Variants in BICD1 observed in about 807,000 individuals in gnomAD.
BICD1 encodes protein bicaudal D homolog 1.
In BICD1, 35 loss-of-function variants were observed where a neutral mutation model predicts 92.5. The ratio of observed to expected loss-of-function variants is 0.38; its 90% CI spans 0.29 to 0.50. The LOEUF is 0.50. Ranked by LOEUF, BICD1 falls within the 20% of genes least tolerant of loss-of-function variation. BICD1 has a pLI of 0.93. For synonymous variants in BICD1, 429 were observed against 465.1 expected, an observed-to-expected ratio of 0.92 and a Z score of 1.00; for missense variants, 950 against 1,189.8, an observed-to-expected ratio of 0.80 and a Z score of 2.97.
intron 1 of BICD1, among the ~76,000 whole-genome samples, chr12:32,122,445 C>T (rs28497793): frequency 0.031 from 4,652 of 150,146 alleles, 236 homozygotes; most frequent in African/African-American, 0.11. Flanking sequence ...GCTGAGATCG[C>T]GCCACTGCAG....
Position 32,203,431 on chromosome 12 carries a change from A to G in BICD1, c.214-12816A>G, listed in dbSNP as rs532558864. On this transcript the variant is annotated intron_variant, in intron 1 of 9. Transcript: ENST00000652176. ...CTGGGAGAAAATATGTGCCATACAT[A>G]TGTGTGGCAGGCACACCTGACAGCA... 3.0e-4 allele frequency among the ~76,000 whole-genome samples: 45 copies of G among 152,310 alleles called. No homozygotes were observed. The South Asian group carries it at 7.0e-3, about 24-fold the overall frequency.
chr12:32,329,018 G>A (rs528729953), intron 5 of BICD1, among the ~76,000 whole-genome samples: 1 of 152,318 alleles, frequency 6.6e-6, no homozygotes, highest in African/African-American at 2.4e-5. Flanking sequence ...AAGGTCTGAT[G>A]GCCAATAACT....
At chr12:32,236,787 C>T (rs1946084589) in intron 2 of BICD1, among the ~76,000 whole-genome samples, 2 of 151,858 alleles carry the variant, frequency 1.3e-5, no homozygotes, top group South Asian at 2.1e-4. Flanking sequence ...GTGAAACAGC[C>T]TCATTGCCGA....
At chr12:32,221,877 G>C (rs56210256) in intron 2 of BICD1, among the ~76,000 whole-genome samples, 8,984 of 152,088 alleles carry the variant, frequency 0.059, 363 homozygotes, top group Middle Eastern at 0.11. Flanking sequence ...AGAGCATAAA[G>C]AAAGCAGATT....
At chr12:32,157,576 C>T (rs1943477708) in intron 1 of BICD1, among the ~76,000 whole-genome samples, 1 of 152,198 alleles carries the variant, frequency 6.6e-6, no homozygotes, top group African/African-American at 2.4e-5. Flanking sequence ...TCTGCTTCTT[C>T]TGGAAGCTAC....
At position 32,327,706 on chromosome 12, in the gene BICD1, A is replaced by G; in HGVS notation, c.1251A>G (p.Glu417=). 1 of 1,614,146 alleles carries G rather than the reference A, an allele frequency of 6.2e-7. No individual in the cohort carries two copies. Among genetic ancestry groups the G allele is most frequent in the Non-Finnish European group, 8.5e-7 (1 of 1,180,024 alleles). The change falls in exon 5 of 10, where the codon GAA becomes GAG. Residue 417 remains glutamate, a synonymous_variant. Coordinates refer to ENST00000652176, the MANE Select transcript of BICD1 (RefSeq NM_001714.4). ...ACATCAATGGTTTAGAGATCCTTGA[A>G]TGCAAATACAGGGTGGCAGTAACTG... ...EVDINGLEIL[E]CKYRVAVTEV...
At chr12:32,157,002 T>G (rs1710403496) in intron 1 of BICD1, among the ~76,000 whole-genome samples, 2 of 152,218 alleles carry the variant, frequency 1.3e-5, no homozygotes, top group African/African-American at 2.4e-5. Flanking sequence ...AATGAGTTAG[T>G]AAATATACAA....
At chr12:32,258,528 G>C (rs1261479277) in intron 2 of BICD1, among the ~76,000 whole-genome samples, 1 of 152,036 alleles carries the variant, frequency 6.6e-6, no homozygotes, top group East Asian at 1.9e-4. Flanking sequence ...CTGGGCCCGG[G>C]GGACCACTAC....
intron 2 of BICD1, among the ~76,000 whole-genome samples, chr12:32,261,221 G>A (rs567228265): frequency 6.9e-6 from 1 of 145,834 alleles, no homozygotes; most frequent in African/African-American, 2.7e-5. Flanking sequence ...CTGTGCTAGG[G>A]AACTCATCCA....
chr12:32,175,095 G>T (rs936025627), intron 1 of BICD1, among the ~76,000 whole-genome samples: 4 of 152,016 alleles, frequency 2.6e-5, no homozygotes, highest in African/African-American at 9.7e-5. Context: ...TTATTTGCAA[G>T]CATTTATTAG....
At chr12:32,250,608 C>A (rs901408080) in intron 2 of BICD1, among the ~76,000 whole-genome samples, 1 of 152,094 alleles carries the variant, frequency 6.6e-6, no homozygotes, top group Non-Finnish European at 1.5e-5. Context: ...TAGGTATCCA[C>A]CTACTTTTCA....
chr12:32,316,135 C>CAG (rs1565664999), intron 4 of BICD1, among the ~76,000 whole-genome samples: 1 of 144,276 alleles, frequency 6.9e-6, no homozygotes, highest in Non-Finnish European at 1.5e-5. Context: ...GACCCTGTCT[C>CAG]AAAAAAAAAA....
chr12:32,138,916 T>A (rs1942816927), intron 1 of BICD1, among the ~76,000 whole-genome samples: 2 of 152,230 alleles, frequency 1.3e-5, no homozygotes, highest in Non-Finnish European at 2.9e-5. Flanking sequence ...AGTTCTAAAT[T>A]GCTTCAGTGG....
At chr12:32,339,003 A>G (rs1592695682) in intron 8 of BICD1, 24 bp downstream of exon 8, 1 of 1,573,998 alleles carries the variant, frequency 6.4e-7, no homozygotes, top group East Asian at 2.4e-5. Flanking sequence ...CCTTGGGTGC[A>G]TGTGATGCAA....
chr12:32,116,510 C>CTCTCTCTCTATATATATATATA (rs1233964108), intron 1 of BICD1, among the ~76,000 whole-genome samples: 1 of 104,374 alleles, frequency 9.6e-6, no homozygotes, highest in Non-Finnish European at 1.9e-5. Flanking sequence ...CTCTCTCTCT[C>CTCTCTCTCTATATATATATATA]TATATATATA....
chr12:32,280,777 C>T (rs916296329), intron 2 of BICD1, among the ~76,000 whole-genome samples: 1 of 152,310 alleles, frequency 6.6e-6, no homozygotes, highest in Admixed American at 6.5e-5. Flanking sequence ...TTGTCTCACC[C>T]CTTTTTACAG....
At chr12:32,341,201 TGCAGTGGTTCACACCTGTAATCCCA>T (rs1263458965) in intron 8 of BICD1, among the ~76,000 whole-genome samples, 1 of 152,056 alleles carries the variant, frequency 6.6e-6, no homozygotes, top group Non-Finnish European at 1.5e-5. Context: ...CGAGGCCGGC[TGCAGTGGTTCACACCTGTAATCCCA>T]GCACTTTGGG....
At chr12:32,215,676 G>A (rs551586683) in intron 1 of BICD1, among the ~76,000 whole-genome samples, 233 of 152,084 alleles carry the variant, frequency 1.5e-3, no homozygotes, top group Non-Finnish European at 2.6e-3. Context: ...TATGCCAGGC[G>A]CGGTGGCTTA....
chr12:32,311,329 C>G (rs1419862889), intron 4 of BICD1, among the ~76,000 whole-genome samples: 1 of 150,950 alleles, frequency 6.6e-6, no homozygotes, highest in African/African-American at 2.4e-5. Flanking sequence ...AACCCCATCT[C>G]TACTAAAAAA....
Sources: gnomAD v4.1 joint callset for allele counts (sites outside exome capture counted in the v4.1 genomes callset) on GRCh38, gnomAD v4.1.1 for gene constraint, MANE v1.5 for transcripts, NCBI Gene and HGNC (gene_info 2026-07-23, HGNC 2026-07-21) for gene names.